Variants in CTNNA2 observed in about 807,000 individuals in gnomAD.
CTNNA2 encodes catenin alpha 2.
In CTNNA2, 42 loss-of-function variants were observed where a neutral mutation model predicts 101.0. That is an observed-to-expected ratio of 0.42 (90% CI 0.32 to 0.54). CTNNA2 has a LOEUF of 0.54. Among genes scored for constraint, CTNNA2 ranks in the 20% least tolerant of loss-of-function variants. The pLI, the probability that CTNNA2 is intolerant of heterozygous loss-of-function variation, is 0.14. For synonymous variants in CTNNA2, 450 were observed against 456.4 expected (o/e 0.99, Z 0.18); for missense variants, 871 against 1,223.1 (o/e 0.71, Z 4.29).
chr2:79,729,269 T>C (rs563452134), intron 2 of CTNNA2, among the ~76,000 whole-genome samples: 1 of 152,140 alleles, frequency 6.6e-6, no homozygotes, highest in South Asian at 2.1e-4. Flanking sequence ...TGTTGAAGCA[T>C]TCCTTTGGCT....
chr2:79,442,424 G>A (rs1678786907), intron 4 of CTNNA2, among the ~76,000 whole-genome samples: 1 of 152,140 alleles, frequency 6.6e-6, no homozygotes, highest in Admixed American at 6.6e-5. Context: ...GTTTCTGAAA[G>A]CTCCCTATGT....
intron 2 of CTNNA2, among the ~76,000 whole-genome samples, chr2:79,253,603 C>T (rs908182822): frequency 4.6e-5 from 7 of 152,018 alleles, no homozygotes; most frequent in African/African-American, 1.7e-4. Context: ...TGATAATGGA[C>T]ATTGGTTGCC....
At chr2:79,846,890 A>G (rs1680269582) in intron 3 of CTNNA2, among the ~76,000 whole-genome samples, 10 of 152,380 alleles carry the variant, frequency 6.6e-5, no homozygotes, top group Admixed American at 6.5e-4. Flanking sequence ...GCTAGAAACC[A>G]GATCTATTTC....
At chr2:80,538,988 C>T (rs188540539) in intron 9 of CTNNA2, among the ~76,000 whole-genome samples, 146 of 152,104 alleles carry the variant, frequency 9.6e-4, no homozygotes, top group African/African-American at 3.3e-3. Context: ...ATCTTTGTAG[C>T]GATTGGGTCA....
intron 3 of CTNNA2, among the ~76,000 whole-genome samples, chr2:79,317,307 C>T (rs1676519928): frequency 6.6e-6 from 1 of 152,000 alleles, no homozygotes; most frequent in Non-Finnish European, 1.5e-5. Context: ...ATTCAGTTTG[C>T]TACTCTTTTA....
At chr2:80,530,912 T>C (rs1690481069) in intron 9 of CTNNA2, among the ~76,000 whole-genome samples, 1 of 152,096 alleles carries the variant, frequency 6.6e-6, no homozygotes, top group South Asian at 2.1e-4. Context: ...GAATTAAAAC[T>C]TCATGAGAGA....
At chr2:80,304,143 C>G (rs1463482144) in intron 7 of CTNNA2, 1 of 250,172 alleles carries the variant, frequency 4.0e-6, no homozygotes, top group Non-Finnish European at 7.5e-6. Context: ...TAAAAAGTGT[C>G]TTACCCACCC....
intron 1 of CTNNA2, among the ~76,000 whole-genome samples, chr2:79,195,455 T>C (rs1673946963): frequency 6.6e-6 from 1 of 152,166 alleles, no homozygotes; most frequent in South Asian, 2.1e-4. Context: ...TGGTAGTCTT[T>C]AGCTGATTAG....
intron 9 of CTNNA2, among the ~76,000 whole-genome samples, chr2:80,424,158 G>A (rs570588511): frequency 2.0e-5 from 3 of 152,244 alleles, no homozygotes; most frequent in East Asian, 1.9e-4. Flanking sequence ...GTTTCACTAT[G>A]TTGGCCAGGC....
Position 79,296,117 on chromosome 2 carries a change from GGAA to G in CTNNA2, c.-405-16587_-405-16585del, listed in dbSNP as rs548773496. 9.3e-4 allele frequency among the ~76,000 whole-genome samples: 142 copies of G among 152,152 alleles called. No homozygotes were observed. In the Middle Eastern group the frequency reaches 0.01, roughly 11 times the overall value. ...TTCAACAAAAATATTGGAGAGGTGA[GGAA>G]GAAGGTGTGGACCTAACACTTATCC... On this transcript the variant is annotated intron_variant, in intron 2 of 21. Transcript: ENST00000466387.
At chr2:79,841,529 T>G (rs1679812764) in intron 3 of CTNNA2, among the ~76,000 whole-genome samples, 1 of 152,096 alleles carries the variant, frequency 6.6e-6, no homozygotes, top group Non-Finnish European at 1.5e-5. Flanking sequence ...TGTCATGGGA[T>G]GAAATATTAG....
rs538558116 is a variant in CTNNA2, at chr2:79,947,160, G to A, written c.1056+37363G>A. On this transcript the variant is annotated intron_variant, in intron 7 of 18. Transcript: ENST00000402739. Reference sequence around the variant, plus strand: ...AAAATTCTGGGATCATATTTAGTATGTTAAAATAAATTGCAATAATTCAGG... The same window carrying A: ...AAAATTCTGGGATCATATTTAGTATATTAAAATAAATTGCAATAATTCAGG... Among the ~76,000 whole-genome samples the A allele has an allele frequency of 9.2e-5, 14 of 152,284 alleles. No individual in the cohort carries two copies. In the East Asian group the frequency reaches 2.7e-3, roughly 29 times the overall value.
chr2:80,000,052 G>C (rs527358654), intron 7 of CTNNA2, among the ~76,000 whole-genome samples: 4 of 152,098 alleles, frequency 2.6e-5, no homozygotes, highest in Non-Finnish European at 5.9e-5. Context: ...TATGAGAAAG[G>C]GTGAATATTA....
upstream of CTNNA2, among the ~76,000 whole-genome samples, chr2:79,512,530 G>A (rs937601348): frequency 6.6e-6 from 1 of 151,830 alleles, no homozygotes; most frequent in African/African-American, 2.4e-5. Context: ...CCCCTGCTGG[G>A]CTGGCCCTCC....
chr2:80,351,897 A>C (rs933358951), intron 7 of CTNNA2, among the ~76,000 whole-genome samples: 9 of 152,124 alleles, frequency 5.9e-5, no homozygotes, highest in African/African-American at 2.2e-4. Flanking sequence ...TGATCATCTA[A>C]TTAACATTCA....
At chr2:79,573,039 A>C (rs1054881417) in intron 1 of CTNNA2, among the ~76,000 whole-genome samples, 1 of 151,958 alleles carries the variant, frequency 6.6e-6, no homozygotes, top group African/African-American at 2.4e-5. Flanking sequence ...TGATCAAAAC[A>C]CTCTATACGG....
At chr2:80,487,975 T>A (rs1686732923) in intron 9 of CTNNA2, among the ~76,000 whole-genome samples, 1 of 152,242 alleles carries the variant, frequency 6.6e-6, no homozygotes, top group Admixed American at 6.5e-5. Context: ...TTGTGAATGA[T>A]TAAATTTGTA....
At chr2:80,642,550 T>TA (rs1673610028) in intron 18 of CTNNA2, among the ~76,000 whole-genome samples, 1 of 152,166 alleles carries the variant, frequency 6.6e-6, no homozygotes, top group African/African-American at 2.4e-5. Context: ...GACTGGAGGA[T>TA]AAAAAGTCAG....
At chr2:80,605,261 A>T (rs1015612636) in intron 16 of CTNNA2, 1 of 151,978 alleles carries the variant, frequency 6.6e-6, no homozygotes, top group Non-Finnish European at 1.5e-5. Flanking sequence ...CATTTCTTTT[A>T]AGAGTGCTTT....
Sources: gnomAD v4.1 joint callset for allele counts (sites outside exome capture counted in the v4.1 genomes callset) on GRCh38, gnomAD v4.1.1 for gene constraint, MANE v1.5 for transcripts, NCBI Gene and HGNC (gene_info 2026-07-23, HGNC 2026-07-21) for gene names.